Variants in KLF12 observed in about 807,000 individuals in gnomAD.
KLF12 encodes the protein Krueppel-like factor 12.
KLF12 carries 9 observed loss-of-function variants against 37.8 expected under a neutral mutation model. The ratio of observed to expected loss-of-function variants is 0.24; its 90% CI spans 0.14 to 0.42. The LOEUF (loss-of-function observed/expected upper bound fraction) is 0.42, where lower values mean the gene tolerates loss of function less well. Among genes scored for constraint, KLF12 ranks in the 10% least tolerant of loss-of-function variants. The pLI is 1.00. For synonymous variants in KLF12, 208 were observed against 202.1 expected (o/e 1.03, Z -0.25); for missense variants, 411 against 516.0 (o/e 0.80, Z 1.97).
chr13:74,278,115 C>T, the KLF12 span, among the ~76,000 whole-genome samples: 3 of 152,162 alleles, frequency 2.0e-5, no homozygotes, highest in Non-Finnish European at 2.9e-5. Flanking sequence ...CTCACGAGTT[C>T]TTTGAGACGT....
At chr13:74,256,082 A>G in the KLF12 span, among the ~76,000 whole-genome samples, 1 of 151,598 alleles carries the variant, frequency 6.6e-6, no homozygotes, top group East Asian at 1.9e-4. Flanking sequence ...GTGAACCCAG[A>G]AGGCGGAGCT....
At chr13:74,186,804 A>G in the KLF12 span, among the ~76,000 whole-genome samples, 1 of 152,164 alleles carries the variant, frequency 6.6e-6, no homozygotes, top group East Asian at 1.9e-4. Flanking sequence ...TTGACACTAT[A>G]TTGCATATAC....
intron 2 of KLF12, among the ~76,000 whole-genome samples, chr13:73,968,527 T>C (rs571055018): frequency 1.3e-5 from 2 of 152,296 alleles, no homozygotes; most frequent in East Asian, 3.9e-4. Context: ...GAAGAGAATC[T>C]GTGTATCTTT....
chr13:73,693,355 A>G lies in KLF12; in HGVS notation c.*2135T>C, dbSNP rs1873924808. 1 of 152,244 alleles carries G rather than the reference A, an allele frequency of 6.6e-6. No homozygotes were observed. Among genetic ancestry groups the G allele is most frequent in the South Asian group, 2.1e-4 (1 of 4,834 alleles). The allele number at this position is 152,244 out of a possible 1,614,324, so 9.4% of individuals were successfully genotyped here. A position where few individuals can be genotyped will look rare whatever the true frequency, so the allele number is the denominator to read the frequency against. On this transcript the variant is annotated 3_prime_UTR_variant, in exon 8 of 8. Transcript: ENST00000377669. ...AAAAAAAACCCACTGGTTGATGAGT[A>G]GTAGACTGTGCAGCTAAAGATGCTA...
the KLF12 span, among the ~76,000 whole-genome samples, chr13:74,140,590 T>A: frequency 6.6e-6 from 1 of 152,230 alleles, no homozygotes; most frequent in East Asian, 1.9e-4. Context: ...AAGTAAAACA[T>A]CTTAAATTGG....
At chr13:74,122,249 T>C (rs578046689) in intron 1 of KLF12, among the ~76,000 whole-genome samples, 1 of 152,222 alleles carries the variant, frequency 6.6e-6, no homozygotes, top group East Asian at 1.9e-4. Flanking sequence ...AATAACCAAT[T>C]TTTTTAAATG....
At chr13:74,274,179 A>C in the KLF12 span, among the ~76,000 whole-genome samples, 2 of 152,168 alleles carry the variant, frequency 1.3e-5, no homozygotes, top group Non-Finnish European at 2.9e-5. Flanking sequence ...TCTTATATTT[A>C]ACCTAAATCC....
At chr13:74,221,006 G>GT in the KLF12 span, among the ~76,000 whole-genome samples, 2,443 of 137,660 alleles carry the variant, frequency 0.018, 34 homozygotes, top group East Asian at 0.06. Context: ...TTGCTTGTTT[G>GT]TTTTTTTTTT....
intron 1 of KLF12, among the ~76,000 whole-genome samples, chr13:74,023,630 G>T (rs1411742029): frequency 6.6e-6 from 1 of 152,100 alleles, no homozygotes; most frequent in African/African-American, 2.4e-5. Flanking sequence ...CTCCCTATGT[G>T]TGTGTCTTCT....
chr13:73,953,176 T>C (rs1312142558), intron 2 of KLF12, among the ~76,000 whole-genome samples: 1 of 152,236 alleles, frequency 6.6e-6, no homozygotes, highest in African/African-American at 2.4e-5. Flanking sequence ...GGGTATAGTA[T>C]TTAATTTCAA....
At chr13:73,995,967 G>A (rs756917687) in intron 1 of KLF12, among the ~76,000 whole-genome samples, 4 of 152,186 alleles carry the variant, frequency 2.6e-5, no homozygotes, top group Admixed American at 6.5e-5. Context: ...TCTCAGCAGC[G>A]CCCATTCTGT....
At chr13:73,795,885 A>G (rs1881932528) in intron 5 of KLF12, among the ~76,000 whole-genome samples, 1 of 152,210 alleles carries the variant, frequency 6.6e-6, no homozygotes, top group South Asian at 2.1e-4. Flanking sequence ...AGAACTTTTA[A>G]AGTTCATATG....
At chr13:74,272,361 G>A in the KLF12 span, among the ~76,000 whole-genome samples, 1 of 152,184 alleles carries the variant, frequency 6.6e-6, no homozygotes, top group Admixed American at 6.5e-5. Context: ...TGTCATTGAA[G>A]ATCAAAGTTA....
intron 5 of KLF12, among the ~76,000 whole-genome samples, chr13:73,810,982 C>CTTTCTTTCTTTTTTTTTTTTTTTTTTTT (rs1555308731): frequency 4.5e-5 from 2 of 44,808 alleles, no homozygotes; most frequent in African/African-American, 1.7e-4. Context: ...ATTTTTCTTT[C>CTTTCTTTCTTTTTTTTTTTTTTTTTTTT]TTTTTTTTTT....
chr13:73,789,081 G>A (rs942123581), intron 5 of KLF12, among the ~76,000 whole-genome samples: 5 of 152,060 alleles, frequency 3.3e-5, no homozygotes, highest in African/African-American at 1.2e-4. Flanking sequence ...TTCCTTTGAT[G>A]AGTTAAGGGC....
intron 1 of KLF12, among the ~76,000 whole-genome samples, chr13:74,060,496 G>GTGTC (rs1555336658): frequency 1.4e-5 from 2 of 141,946 alleles, no homozygotes; most frequent in Admixed American, 7.0e-5. Context: ...GTGTGTGTGT[G>GTGTC]TGTGTGTGTG....
At chr13:73,894,683 C>T (rs984895911) in intron 3 of KLF12, among the ~76,000 whole-genome samples, 1 of 152,128 alleles carries the variant, frequency 6.6e-6, no homozygotes, top group Non-Finnish European at 1.5e-5. Context: ...CATATACACA[C>T]TGAATAGGCT....
intron 6 of KLF12, among the ~76,000 whole-genome samples, chr13:73,737,896 C>T (rs1196137854): frequency 1.3e-5 from 2 of 151,644 alleles, no homozygotes; most frequent in African/African-American, 2.4e-5. Flanking sequence ...TGCACTTTGG[C>T]ACTAATACGT....
At chr13:74,032,994 A>G (rs578080264) in intron 1 of KLF12, among the ~76,000 whole-genome samples, 1 of 152,268 alleles carries the variant, frequency 6.6e-6, no homozygotes, top group Non-Finnish European at 1.5e-5. Flanking sequence ...TCACTTACTA[A>G]TTTCCTAATA....
Sources: gnomAD v4.1 joint callset for allele counts (sites outside exome capture counted in the v4.1 genomes callset) on GRCh38, gnomAD v4.1.1 for gene constraint, MANE v1.5 for transcripts, NCBI Gene and HGNC (gene_info 2026-07-23, HGNC 2026-07-21) for gene names.